Variants in AGAP3 observed in about 807,000 individuals in gnomAD.
AGAP3 encodes the protein ArfGAP with GTPase domain, ankyrin repeat and PH domain 3.
AGAP3 carries 24 observed loss-of-function variants against 96.9 expected under a neutral mutation model. That is an observed-to-expected ratio of 0.25 (90% CI 0.18 to 0.35). The LOEUF is 0.35. Among genes scored for constraint, AGAP3 ranks in the 10% least tolerant of loss-of-function variants. AGAP3 has a pLI of 1.00. For missense variants in AGAP3, 876 were observed against 1,254.2 expected, an observed-to-expected ratio of 0.70 and a Z score of 4.55; for synonymous variants, 563 against 536.1, an observed-to-expected ratio of 1.05 and a Z score of -0.69.
chr7:151,092,809 T>G (rs1000262354), intron 1 of AGAP3, among the ~76,000 whole-genome samples: 2 of 152,200 alleles, frequency 1.3e-5, no homozygotes, highest in Non-Finnish European at 2.9e-5. Context: ...GCCTTGCATG[T>G]ATGGGCTGAA....
At chr7:151,117,017 G>C in intron 2 of AGAP3, 78 bp from the exon 3 acceptor site, 1 of 1,518,088 alleles carries the variant, frequency 6.6e-7, no homozygotes, top group Non-Finnish European at 9.1e-7. Context: ...CCCTCCTGCT[G>C]CTTCTTTGCT....
Position 151,133,966 on chromosome 7 carries a change from G to T in AGAP3, c.1327-434G>T, listed in dbSNP as rs117673879. ...CTGGGACTATTCTAGGCTTTAGAAG[G>T]TTCTTAATGCCCAGGTGGGGGCTGC... On this transcript the variant is annotated intron_variant, in intron 10 of 17. Transcript: ENST00000397238. This position sits in a 1 kb window ranked among gnomAD's most constrained non-coding sequence, Gnocchi z 5.4. 4.4e-3 allele frequency among the ~76,000 whole-genome samples: 673 copies of T among 152,282 alleles called. 3 individuals carry two copies. Among genetic ancestry groups the T allele is most frequent in the Non-Finnish European group, 7.4e-3 (500 of 68,024 alleles).
intron 10 of AGAP3, among the ~76,000 whole-genome samples, chr7:151,130,623 T>C (rs1467676400): frequency 6.6e-6 from 1 of 152,074 alleles, no homozygotes; most frequent in African/African-American, 2.4e-5. Flanking sequence ...TGTTGCACTG[T>C]GCGAGTCTTA....
chr7:151,116,893 G>A lies in AGAP3; in HGVS notation c.390+42G>A, dbSNP rs776995682. ...GGCAGCACCGGCGGCCTGGAGCTGGGGGGGCGAGGCTGGGTGCCGCGGGCC... is the reference window on the plus strand; with the variant it reads ...GGCAGCACCGGCGGCCTGGAGCTGGAGGGGCGAGGCTGGGTGCCGCGGGCC... On this transcript the variant is annotated intron_variant, in intron 2 of 17. Transcript: ENST00000397238. The A allele has an allele frequency of 8.1e-6, 13 of 1,610,430 alleles. No individual in the cohort carries two copies. In the East Asian group the frequency reaches 2.0e-4, roughly 25 times the overall value.
At chr7:151,116,050 C>T (rs1274731125) in intron 1 of AGAP3, among the ~76,000 whole-genome samples, 1 of 152,182 alleles carries the variant, frequency 6.6e-6, no homozygotes, top group Non-Finnish European at 1.5e-5. Flanking sequence ...AGCAGTGCTG[C>T]CCAGCTAGAG....
At chr7:151,121,700 G>T (rs1253906954) in intron 8 of AGAP3, among the ~76,000 whole-genome samples, 3 of 152,072 alleles carry the variant, frequency 2.0e-5, no homozygotes, top group Non-Finnish European at 4.4e-5. Flanking sequence ...TCCCTCTGGC[G>T]CTTCCATTCT....
chr7:151,132,526 C>T (rs530813426), intron 10 of AGAP3, among the ~76,000 whole-genome samples: 14 of 152,324 alleles, frequency 9.2e-5, no homozygotes, highest in Admixed American at 3.9e-4. Flanking sequence ...TGGTTAGTCC[C>T]CTGGTCCTCT....
At chr7:151,110,357 C>T (rs966387178) in intron 1 of AGAP3, among the ~76,000 whole-genome samples, 40 of 152,204 alleles carry the variant, frequency 2.6e-4, no homozygotes, top group Admixed American at 2.6e-3. Flanking sequence ...GATGGTCAGC[C>T]TCCCAAGGAA....
chr7:151,113,038 G>C (rs991476941), intron 1 of AGAP3, among the ~76,000 whole-genome samples: 3 of 152,162 alleles, frequency 2.0e-5, no homozygotes, highest in African/African-American at 7.2e-5. Flanking sequence ...CCGACCCTTT[G>C]CTTGCATTTT....
intron 1 of AGAP3, among the ~76,000 whole-genome samples, chr7:151,107,817 T>C (rs1034592435): frequency 6.6e-6 from 1 of 152,138 alleles, no homozygotes; most frequent in African/African-American, 2.4e-5. Context: ...ATGTCGAAAG[T>C]GTAGGCGATG....
rs749679909 is a variant in AGAP3 at position 151,094,518 on chromosome 7, CTTTG to C, written c.331+7451_331+7454del. On this transcript the variant is annotated intron_variant, in intron 1 of 17. Coordinates refer to ENST00000397238, the MANE Select transcript of AGAP3 (RefSeq NM_031946.7). ...AGACTAAATGACTCTCGTTGTTTTACTTTGTTTGACTTTGATTACTAGTTGATCA... is the reference window on the plus strand; with the variant it reads ...AGACTAAATGACTCTCGTTGTTTTACTTTGACTTTGATTACTAGTTGATCA... Among the ~76,000 whole-genome samples the C allele has an allele frequency of 1.2e-3, 174 of 151,200 alleles. 2 individuals carry two copies. The highest frequency in any genetic ancestry group is 3.6e-3 in the Admixed American group (55 of 15,178).
chr7:151,128,206 C>A, intron 9 of AGAP3: 1 of 226,398 alleles, frequency 4.4e-6, no homozygotes, highest in South Asian at 7.8e-5. Context: ...CTATCTACAC[C>A]CCTGAGCGTC....
chr7:151,138,566 C>G (rs964155996), intron 12 of AGAP3, among the ~76,000 whole-genome samples: 4 of 152,204 alleles, frequency 2.6e-5, no homozygotes, highest in Non-Finnish European at 4.4e-5. Context: ...CCCAGAGCCC[C>G]CATCTGCCTG....
intron 1 of AGAP3, among the ~76,000 whole-genome samples, chr7:151,089,446 C>T (rs1287869561): frequency 3.9e-5 from 6 of 152,118 alleles, no homozygotes; most frequent in African/African-American, 1.4e-4. Flanking sequence ...TGGGGCTAAG[C>T]CTCTCGGTGG....
Position 151,142,778 on chromosome 7 carries a change from G to T in AGAP3, c.2273+144G>T. Reference sequence around the variant, plus strand: ...GCTTGGCAGTTGGCCCCTTGGGGGTGCCCCTCCTGCTCTGGTGCCTGTCAC... The same window carrying T: ...GCTTGGCAGTTGGCCCCTTGGGGGTTCCCCTCCTGCTCTGGTGCCTGTCAC... On this transcript the variant is annotated intron_variant, in intron 16 of 17. Transcript: ENST00000397238. The surrounding 1 kb of genome is among the most constrained non-coding windows in gnomAD (Gnocchi z 7.5). 3 of 858,752 alleles carry T rather than the reference G, an allele frequency of 3.5e-6. No homozygotes were observed. The highest frequency in any genetic ancestry group is 1.8e-6 in the Non-Finnish European group (1 of 564,788). 53.2% of individuals were successfully genotyped at this position (858,752 alleles called of 1,614,324 possible).
At chr7:151,125,718 C>G (rs1344297386) in intron 9 of AGAP3, among the ~76,000 whole-genome samples, 2 of 152,262 alleles carry the variant, frequency 1.3e-5, no homozygotes, top group Non-Finnish European at 2.9e-5. Context: ...CCTCCTGTCC[C>G]GTTCTCCCGG....
rs1799437655 is a variant in AGAP3 at position 151,114,416 on chromosome 7, C to T, written c.332-2377C>T. 1.3e-5 allele frequency among the ~76,000 whole-genome samples: 2 copies of T among 152,210 alleles called. No homozygotes were observed. The highest frequency in any genetic ancestry group is 4.1e-4 in the South Asian group (2 of 4,834). On this transcript the variant is annotated intron_variant, in intron 1 of 17. Transcript: ENST00000397238. The surrounding 1 kb of genome is among the most constrained non-coding windows in gnomAD (Gnocchi z 4.4). ...GACTGAGGACTGTTATTTAGTTGGC[C>T]TGCTCGTAATGACAGCTCCTCACCT...
chr7:151,107,805 A>G (rs1385133972), intron 1 of AGAP3, among the ~76,000 whole-genome samples: 1 of 152,196 alleles, frequency 6.6e-6, no homozygotes, highest in Non-Finnish European at 1.5e-5. Flanking sequence ...CCACATTTTT[A>G]AATGTCGAAA....
At chr7:151,120,418 C>T (rs1799823759) in intron 8 of AGAP3, 4 of 673,880 alleles carry the variant, frequency 5.9e-6, no homozygotes, top group South Asian at 1.6e-5. Context: ...TCACCCTCCC[C>T]GCCGCCTTCC....
Sources: gnomAD v4.1 joint callset for allele counts (sites outside exome capture counted in the v4.1 genomes callset) on GRCh38, gnomAD v4.1.1 for gene constraint, Gnocchi (gnomAD v3.1) non-coding constraint, MANE v1.5 for transcripts, NCBI Gene and HGNC (gene_info 2026-07-23, HGNC 2026-07-21) for gene names.